The following XPR1 variants were observed in gnomAD, a reference collection of about 807,000 sequenced individuals.
XPR1 encodes solute carrier family 53 member 1.
Under a neutral mutation model 87.5 loss-of-function variants are expected in XPR1, and 28 were observed. The observed-to-expected ratio is 0.32, with a 90% CI of 0.24 to 0.44. XPR1 has a LOEUF of 0.44. XPR1 is among the 20% of genes least tolerant of loss of function. The pLI, the probability that XPR1 is intolerant of heterozygous loss-of-function variation, is 1.00. For missense variants in XPR1, 559 were observed against 862.3 expected (o/e 0.65, Z 4.41); for synonymous variants, 300 against 306.1 (o/e 0.98, Z 0.21).
chr1:180,645,566 G>A (rs1655095204), intron 1 of XPR1, among the ~76,000 whole-genome samples: 1 of 152,182 alleles, frequency 6.6e-6, no homozygotes, highest in African/African-American at 2.4e-5. Flanking sequence ...TGCTAGTGGT[G>A]ACTGCTTTTC....
intron 9 of XPR1, among the ~76,000 whole-genome samples, chr1:180,830,218 C>T (rs904867458): frequency 6.6e-6 from 1 of 152,064 alleles, no homozygotes; most frequent in Admixed American, 6.6e-5. Flanking sequence ...TCCTACAGTC[C>T]CCCTCTTCCT....
intron 2 of XPR1, among the ~76,000 whole-genome samples, chr1:180,727,779 C>T (rs1379131645): frequency 1.3e-5 from 2 of 152,194 alleles, no homozygotes; most frequent in African/African-American, 4.8e-5. Context: ...ATGTGCTAAA[C>T]AAGGGGTGGA....
At chr1:180,739,404 T>C (rs1437606754) in intron 2 of XPR1, among the ~76,000 whole-genome samples, 1 of 152,208 alleles carries the variant, frequency 6.6e-6, no homozygotes, top group East Asian at 1.9e-4. Context: ...ATTCTAGTTA[T>C]TTTGCCTTTA....
rs571553088 is a variant in XPR1 at position 180,889,618 on chromosome 1, G to T, written c.*5552G>T. On this transcript the variant is annotated 3_prime_UTR_variant, in exon 15 of 15. Transcript: ENST00000367590. ...TGACGTTATTTTGAATTGTAAAATTGTGAGCCACTCACATTTCAATTACAA... is the reference window on the plus strand; with the variant it reads ...TGACGTTATTTTGAATTGTAAAATTTTGAGCCACTCACATTTCAATTACAA... 1 of 152,334 alleles carries T rather than the reference G, an allele frequency of 6.6e-6. No individual in the cohort carries two copies. The highest frequency in any genetic ancestry group is 1.5e-5 in the Non-Finnish European group (1 of 68,028). 9.4% of individuals were successfully genotyped at this position (152,334 alleles called of 1,614,324 possible).
chr1:180,828,010 A>G (rs951538803), intron 9 of XPR1, among the ~76,000 whole-genome samples: 6 of 151,506 alleles, frequency 4.0e-5, no homozygotes, highest in Non-Finnish European at 7.4e-5. Flanking sequence ...TCCAGTAGTT[A>G]GGACCACAGG....
chr1:180,666,013 C>A (rs1655948540), intron 1 of XPR1, among the ~76,000 whole-genome samples: 1 of 152,136 alleles, frequency 6.6e-6, no homozygotes, highest in African/African-American at 2.4e-5. Context: ...CACCTTCCTT[C>A]TTTTGGGTAT....
Position 180,807,786 on chromosome 1 carries a change from C to A in XPR1, c.681+1229C>A, listed in dbSNP as rs1650054951. 1.3e-5 allele frequency among the ~76,000 whole-genome samples: 2 copies of A among 152,286 alleles called. 1 individual carries two copies. The highest frequency in any genetic ancestry group is 4.1e-4 in the South Asian group (2 of 4,826). On this transcript the variant is annotated intron_variant, in intron 6 of 14. Coordinates refer to ENST00000367590, the MANE Select transcript of XPR1 (RefSeq NM_004736.4). Reference sequence around the variant, plus strand: ...TTGGGAGGCTGAGGCAGGTGGATCACTTGAGGCCAGGAGTTCAAGACCAGC... The same window carrying A: ...TTGGGAGGCTGAGGCAGGTGGATCAATTGAGGCCAGGAGTTCAAGACCAGC...
intron 2 of XPR1, among the ~76,000 whole-genome samples, chr1:180,768,917 A>G (rs1007160428): frequency 6.6e-6 from 1 of 152,224 alleles, no homozygotes; most frequent in African/African-American, 2.4e-5. Flanking sequence ...GAAGGATGTT[A>G]TGGTGGCACA....
At chr1:180,675,518 G>GT (rs1025686940) in intron 1 of XPR1, among the ~76,000 whole-genome samples, 11 of 152,118 alleles carry the variant, frequency 7.2e-5, no homozygotes, top group African/African-American at 2.7e-4. Flanking sequence ...GGGGTCACAA[G>GT]TTTTTATTTT....
In XPR1 at chr1:180,855,041, T is replaced by C. The variant is rs571732952; in HGVS notation, c.1502-8667T>C. On this transcript the variant is annotated intron_variant, in intron 11 of 14. Coordinates refer to ENST00000367590, the MANE Select transcript of XPR1 (RefSeq NM_004736.4). ...GTTTGGCAAATATTAATTAAGCCCCTACTATGTCCAGCATGGTACATGGGC... is the reference window on the plus strand; with the variant it reads ...GTTTGGCAAATATTAATTAAGCCCCCACTATGTCCAGCATGGTACATGGGC... Among the ~76,000 whole-genome samples the C allele has an allele frequency of 3.3e-5, 5 of 152,344 alleles. No homozygotes were observed. The East Asian group carries it at 9.6e-4, about 29-fold the overall frequency.
At chr1:180,796,273 T>G (rs1649571094) in intron 3 of XPR1, among the ~76,000 whole-genome samples, 1 of 152,200 alleles carries the variant, frequency 6.6e-6, no homozygotes, top group Non-Finnish European at 1.5e-5. Flanking sequence ...CAAAATAGAT[T>G]GGGATACTTG....
At chr1:180,665,309 A>C (rs1655921085) in intron 1 of XPR1, among the ~76,000 whole-genome samples, 1 of 152,008 alleles carries the variant, frequency 6.6e-6, no homozygotes, top group African/African-American at 2.4e-5. Flanking sequence ...ACCTGGTCCC[A>C]CCCTTGACAT....
chr1:180,847,784 A>G (rs966318189), intron 11 of XPR1, among the ~76,000 whole-genome samples: 14 of 152,180 alleles, frequency 9.2e-5, no homozygotes, highest in African/African-American at 3.4e-4. Context: ...AGATAAATGC[A>G]AGAAGGCAGA....
chr1:180,681,654 A>C (rs2101943538), intron 1 of XPR1, among the ~76,000 whole-genome samples: 1 of 152,272 alleles, frequency 6.6e-6, no homozygotes, highest in East Asian at 1.9e-4. Flanking sequence ...AATAAATAAA[A>C]TAAAATTTCT....
chr1:180,780,659 T>C (rs1006719344), intron 2 of XPR1, among the ~76,000 whole-genome samples: 7 of 148,856 alleles, frequency 4.7e-5, no homozygotes, highest in African/African-American at 1.7e-4. Flanking sequence ...TCCCAACTAC[T>C]GGGGAGGCTG....
intron 2 of XPR1, among the ~76,000 whole-genome samples, chr1:180,757,747 T>G (rs1647806175): frequency 6.6e-6 from 1 of 151,712 alleles, no homozygotes; most frequent in Non-Finnish European, 1.5e-5. Flanking sequence ...CTAAAACTTC[T>G]GGCCTCAAGC....
At position 180,816,149 on chromosome 1, in the gene XPR1, GT is replaced by G. The variant is rs1460814384; in HGVS notation, c.763+4665del. Among the ~76,000 whole-genome samples, 21 of 152,204 alleles carry G rather than the reference GT, an allele frequency of 1.4e-4. 1 individual carries two copies. Among genetic ancestry groups the G allele is most frequent in the Admixed American group, 1.4e-3 (21 of 15,282 alleles). The stretch of plus-strand genomic sequence containing the variant: ...GAGAACTTTTTGGCAACAGGAATCA[GT>G]TTTGTGGAAGACAATTTTTTCACTG... On this transcript the variant is annotated intron_variant, in intron 7 of 14. Transcript: ENST00000367590.
At chr1:180,720,116 C>T (rs775209082) in intron 2 of XPR1, among the ~76,000 whole-genome samples, 23 of 151,284 alleles carry the variant, frequency 1.5e-4, no homozygotes, top group African/African-American at 2.7e-4. Context: ...GGAGCAGGGC[C>T]GGGGGCGTGG....
chr1:180,876,123 GA>G (rs200746961), intron 13 of XPR1, among the ~76,000 whole-genome samples: 2 of 150,186 alleles, frequency 1.3e-5, no homozygotes, highest in East Asian at 1.9e-4. Context: ...AACTCTTCCA[GA>G]AAAAAAAAGA....
Sources: allele counts gnomAD v4.1 joint callset (sites outside exome capture counted in the v4.1 genomes callset), GRCh38; gene constraint gnomAD v4.1.1; transcripts MANE v1.5; gene names NCBI Gene and HGNC (gene_info 2026-07-23, HGNC 2026-07-21).